MS4A15: variants seen among roughly 807,000 people sequenced by gnomAD.
MS4A15 encodes the protein membrane spanning 4-domains A15.
MS4A15 carries 22 observed loss-of-function variants against 20.6 expected under a neutral mutation model. That is an observed-to-expected ratio of 1.07 (90% CI 0.76 to 1.52). MS4A15 has a LOEUF of 1.52. Ranked by LOEUF, MS4A15 falls within the 40% of genes most tolerant of loss-of-function variation. MS4A15 has a pLI of 0.00. For missense variants in MS4A15, 312 were observed against 323.0 expected (o/e 0.97, Z 0.26); for synonymous variants, 129 against 129.3 (o/e 1.00, Z 0.02).
intron 2 of MS4A15, among the ~76,000 whole-genome samples, chr11:60,764,570 T>C (rs987157391): frequency 2.6e-5 from 4 of 152,156 alleles, no homozygotes; most frequent in African/African-American, 9.7e-5. Context: ...GATAGAAAGA[T>C]ACATACACAC....
At chr11:60,771,903 A>T in intron 4 of MS4A15, 1 of 535,332 alleles carries the variant, frequency 1.9e-6, no homozygotes, top group African/African-American at 2.0e-5. Flanking sequence ...TGTCAGGCTC[A>T]GAGAACACGG....
At chr11:60,768,891 A>C (rs1853950775) in intron 3 of MS4A15, among the ~76,000 whole-genome samples, 1 of 152,228 alleles carries the variant, frequency 6.6e-6, no homozygotes, top group Admixed American at 6.5e-5. Flanking sequence ...GGCTGCCTCC[A>C]GCAAGAGCAC....
chr11:60,759,848 C>T (rs1853689933), intron 1 of MS4A15, among the ~76,000 whole-genome samples: 1 of 152,134 alleles, frequency 6.6e-6, no homozygotes, highest in African/African-American at 2.4e-5. Context: ...ACATGTTTTC[C>T]TGCTGACCTT....
At chr11:60,771,694 G>A in intron 4 of MS4A15, 3 of 1,335,124 alleles carry the variant, frequency 2.2e-6, no homozygotes, top group Non-Finnish European at 2.9e-6. Context: ...GCTGGAGAAT[G>A]CACGGAGGAG....
chr11:60,764,997 C>G (rs1853847912), intron 2 of MS4A15, among the ~76,000 whole-genome samples: 1 of 152,144 alleles, frequency 6.6e-6, no homozygotes, highest in Admixed American at 6.5e-5. Flanking sequence ...TGGCAGCACT[C>G]AAAACCAGAA....
At chr11:60,770,060 G>A (rs1165734675) in intron 3 of MS4A15, among the ~76,000 whole-genome samples, 2 of 152,192 alleles carry the variant, frequency 1.3e-5, no homozygotes, top group Admixed American at 1.3e-4. Flanking sequence ...CTCGGCAGAC[G>A]CAGGGCCAGC....
At chr11:60,762,465 A>T (rs557847273) in intron 1 of MS4A15, among the ~76,000 whole-genome samples, 53 of 150,158 alleles carry the variant, frequency 3.5e-4, no homozygotes, top group Admixed American at 2.7e-3. Flanking sequence ...GTGTAAATTT[A>T]AAAAACAACT....
Position 60,762,699 on chromosome 11 carries a change from G to A in MS4A15, c.-28-1007G>A, listed in dbSNP as rs957775554. Among the ~76,000 whole-genome samples, 5 of 152,222 alleles carry A rather than the reference G, an allele frequency of 3.3e-5. No homozygotes were observed. The South Asian group carries it at 6.2e-4, about 19-fold the overall frequency. ...AGAAAAAGCAATAAAAGCTTACCTC[G>A]CTTTAAATAACCAACATACTCTAAA... is the stretch of plus-strand genomic sequence containing the variant. On this transcript the variant is annotated intron_variant, in intron 1 of 6. Coordinates refer to ENST00000405633, the MANE Select transcript of MS4A15 (RefSeq NM_001098835.2).
rs552576266 is a variant in MS4A15, at chr11:60,776,392, T to G, written c.*677T>G. 1 of 152,392 alleles carries G rather than the reference T, an allele frequency of 6.6e-6. No individual in the cohort carries two copies. Among genetic ancestry groups the G allele is most frequent in the East Asian group, 1.9e-4 (1 of 5,174 alleles). The allele number at this position is 152,392 out of a possible 1,614,324, so 9.4% of individuals were successfully genotyped here. The stretch of plus-strand genomic sequence containing the variant: ...ACCCTCATTTTCCTTGTCTGTAATA[T>G]GAAGTCAGCATTGGCCCCGCCCCCC... On this transcript the variant is annotated 3_prime_UTR_variant, in exon 7 of 7. Coordinates refer to ENST00000405633, the MANE Select transcript of MS4A15 (RefSeq NM_001098835.2).
At chr11:60,773,356 C>G in intron 4 of MS4A15, 36 bp from the exon 5 acceptor site, 1 of 1,562,832 alleles carries the variant, frequency 6.4e-7, no homozygotes, top group Non-Finnish European at 8.7e-7. Flanking sequence ...TTCTCTTTGC[C>G]TATTCCCTCT....
At chr11:60,771,171 A>C in intron 3 of MS4A15, 120 bp from the exon 4 acceptor site, 2 of 1,134,062 alleles carry the variant, frequency 1.8e-6, no homozygotes, top group Non-Finnish European at 2.6e-6. Context: ...CCTGCCTGGC[A>C]GAGAAAGTGG....
chr11:60,775,661 A>G lies in MS4A15; in HGVS notation c.669A>G (p.Ala223=), dbSNP rs746203632. The change falls in exon 7 of 7, where the codon GCA becomes GCG. Residue 223 remains alanine (A), a synonymous_variant. Coordinates refer to ENST00000405633, the MANE Select transcript of MS4A15 (RefSeq NM_001098835.2). ...FSADFNIPSP[A]ASAPPAYDNV... is the part of the protein sequence containing the mutation. ...CAGACTTCAACATCCCCAGCCCGGC[A>G]GCCTCTGCGCCCCCTGCCTATGACA... 1.2e-6 allele frequency: 2 copies of G among 1,613,982 alleles called. No individual in the cohort carries two copies. Among genetic ancestry groups the G allele is most frequent in the Non-Finnish European group, 1.7e-6 (2 of 1,179,920 alleles).
intron 4 of MS4A15, chr11:60,771,717 C>G: frequency 2.3e-6 from 3 of 1,279,664 alleles, no homozygotes; most frequent in East Asian, 4.9e-5. Flanking sequence ...TGGGCAGGGT[C>G]GCCACTGAAA....
At chr11:60,765,036 TGA>T (rs1853848873) in intron 2 of MS4A15, among the ~76,000 whole-genome samples, 1 of 152,220 alleles carries the variant, frequency 6.6e-6, no homozygotes, top group South Asian at 2.1e-4. Flanking sequence ...TCCAGCTGTG[TGA>T]GCAGTAAGCT....
At chr11:60,769,405 G>A (rs770738577) in intron 3 of MS4A15, among the ~76,000 whole-genome samples, 2 of 151,948 alleles carry the variant, frequency 1.3e-5, no homozygotes, top group Admixed American at 6.5e-5. Context: ...CAGGATGGTG[G>A]ATGACTTGGA....
At position 60,773,923 on chromosome 11, in the gene MS4A15, C is replaced by A; in HGVS notation, c.585C>A (p.Cys195Ter). Reference sequence around the variant, plus strand: ...CGGTCATTGCCATGCACTTCGGGTGCCAAGCCATCCATGCCCAGGCCAGTG... The same window carrying A: ...CGGTCATTGCCATGCACTTCGGGTGACAAGCCATCCATGCCCAGGCCAGTG... ...FTAVIAMHFGCQAIHAQASAP... is the reference protein window; with the variant it reads ...FTAVIAMHFG Residue 195 changes from cysteine to a stop codon, truncating the protein, a stop_gained, in exon 6 of 7, where the codon TGC becomes TGA. Coordinates refer to ENST00000405633, the MANE Select transcript of MS4A15 (RefSeq NM_001098835.2). LOFTEE classifies it high-confidence loss of function. The A allele has an allele frequency of 6.2e-7, 1 of 1,614,060 alleles. No individual in the cohort carries two copies. The highest frequency in any genetic ancestry group is 8.5e-7 in the Non-Finnish European group (1 of 1,180,000).
rs1299698126 is a variant in MS4A15 at position 60,775,757 on chromosome 11, C to T, written c.*42C>T. ...CTGCGGGTGGAGTCCAGCCTTTTCCCTCTGGGCCCAGCCTCTCCCCACCCC... is the reference window on the plus strand; with the variant it reads ...CTGCGGGTGGAGTCCAGCCTTTTCCTTCTGGGCCCAGCCTCTCCCCACCCC... On this transcript the variant is annotated 3_prime_UTR_variant, in exon 7 of 7. Transcript: ENST00000405633. 2 of 1,534,344 alleles carry T rather than the reference C, an allele frequency of 1.3e-6. No homozygotes were observed. The highest frequency in any genetic ancestry group is 2.7e-5 in the African/African-American group (2 of 73,192).
At chr11:60,758,446 A>T (rs536052339) in intron 1 of MS4A15, among the ~76,000 whole-genome samples, 10 of 152,238 alleles carry the variant, frequency 6.6e-5, no homozygotes, top group Non-Finnish European at 1.2e-4. Context: ...GGATTGTCAG[A>T]CAGCAATAAC....
rs1207699890 is a variant in MS4A15 at position 60,763,927 on chromosome 11, C to T, written c.194C>T (p.Thr65Ile). 4 of 1,612,910 alleles carry T rather than the reference C, an allele frequency of 2.5e-6. No homozygotes were observed. The Admixed American group carries it at 6.7e-5, about 27-fold the overall frequency. ...CCACCTGACTTGCGGCCCGTGGAGA[C>T]ATTCCTGACAGGAGAGCCCAAAGTT... Reference protein sequence around the residue: ...TQPPDLRPVETFLTGEPKVLG... With the variant: ...TQPPDLRPVEIFLTGEPKVLG... Residue 65 changes from threonine (T) to isoleucine (I), a missense_variant, in exon 2 of 7, where the codon ACA (threonine) becomes ATA (isoleucine). Thr to Ile is a moderately conservative substitution (Grantham distance 89, BLOSUM62 -1). Transcript: ENST00000405633.
Sources: allele counts gnomAD v4.1 joint callset (sites outside exome capture counted in the v4.1 genomes callset), GRCh38; gene constraint gnomAD v4.1.1; transcripts MANE v1.5; gene names NCBI Gene and HGNC (gene_info 2026-07-23, HGNC 2026-07-21).